Variants in PLCE1 observed in about 807,000 individuals in gnomAD.
PLCE1 encodes phospholipase C epsilon 1, also known as 1-phosphatidylinositol 4,5-bisphosphate phosphodiesterase epsilon-1.
In PLCE1, 119 loss-of-function variants were observed where a neutral mutation model predicts 242.8. That is an observed-to-expected ratio of 0.49 (90% confidence interval 0.42 to 0.57). PLCE1 has a LOEUF of 0.57. Among genes scored for constraint, PLCE1 ranks in the 20% least tolerant of loss-of-function variants. PLCE1 has a pLI of 0.00. For synonymous variants in PLCE1, 945 were observed against 1,017.4 expected, an observed-to-expected ratio of 0.93 and a Z score of 1.35; for missense variants, 2,441 against 2,788.8, an observed-to-expected ratio of 0.88 and a Z score of 2.81.
intron 2 of PLCE1, among the ~76,000 whole-genome samples, chr10:94,117,719 C>T (rs1590061394): frequency 6.6e-6 from 1 of 152,214 alleles, no homozygotes; most frequent in East Asian, 1.9e-4. Context: ...ATATACACTG[C>T]TGTTGACACT....
intron 14 of PLCE1, among the ~76,000 whole-genome samples, chr10:94,265,191 A>C (rs1025831012): frequency 6.6e-6 from 1 of 152,194 alleles, no homozygotes; most frequent in Non-Finnish European, 1.5e-5. Flanking sequence ...GTTGTCCAGC[A>C]GTTGGATTTG....
intron 4 of PLCE1, among the ~76,000 whole-genome samples, chr10:94,173,783 C>A (rs931030235): frequency 2.0e-5 from 3 of 152,138 alleles, no homozygotes; most frequent in Non-Finnish European, 4.4e-5. Flanking sequence ...TCTGGGAAAA[C>A]ACTTAAACTA....
At chr10:94,032,988 CAAT>C (rs1311714673) in intron 2 of PLCE1, among the ~76,000 whole-genome samples, 1 of 151,716 alleles carries the variant, frequency 6.6e-6, no homozygotes, top group African/African-American at 2.4e-5. Flanking sequence ...AACAATATAA[CAAT>C]AAAAAATAAC....
At chr10:94,035,254 A>G (rs375885829) in intron 2 of PLCE1, among the ~76,000 whole-genome samples, 7 of 152,356 alleles carry the variant, frequency 4.6e-5, no homozygotes, top group African/African-American at 1.7e-4. Context: ...AGGTTGCTTT[A>G]GAACCTTTAT....
chr10:94,010,760 T>C (rs1185143151), intron 1 of PLCE1, among the ~76,000 whole-genome samples: 1 of 152,226 alleles, frequency 6.6e-6, no homozygotes, highest in Non-Finnish European at 1.5e-5. Context: ...GCCAAGTTCT[T>C]TGCTAAGGTA....
At chr10:94,096,847 G>A (rs1412822997) in intron 2 of PLCE1, 1 of 152,196 alleles carries the variant, frequency 6.6e-6, no homozygotes, top group Non-Finnish European at 1.5e-5. Context: ...TGAGCAGAGG[G>A]ATGAAGGTGA....
chr10:94,191,580 G>A (rs1397997231), intron 4 of PLCE1, among the ~76,000 whole-genome samples: 1 of 152,106 alleles, frequency 6.6e-6, no homozygotes, highest in Non-Finnish European at 1.5e-5. Flanking sequence ...GGTTGAGTCT[G>A]CAGTGAGCTG....
At chr10:94,199,792 A>T (rs950679145) in intron 4 of PLCE1, among the ~76,000 whole-genome samples, 3 of 147,568 alleles carry the variant, frequency 2.0e-5, no homozygotes, top group African/African-American at 7.6e-5. Context: ...TGGAGTCAGC[A>T]TGACAGACAA....
intron 4 of PLCE1, among the ~76,000 whole-genome samples, chr10:94,202,920 C>T (rs1044325037): frequency 6.6e-6 from 1 of 152,128 alleles, no homozygotes; most frequent in African/African-American, 2.4e-5. Context: ...TGATTCTTTC[C>T]TGGTTGGTTA....
At chr10:94,275,405 C>T (rs1272182637) in intron 19 of PLCE1, among the ~76,000 whole-genome samples, 2 of 152,094 alleles carry the variant, frequency 1.3e-5, no homozygotes, top group Non-Finnish European at 2.9e-5. Context: ...TTCTTGAATT[C>T]GTCAATCTGA....
intron 8 of PLCE1, 35 bp from the exon 9 acceptor site, chr10:94,252,281 C>T: frequency 6.3e-7 from 1 of 1,595,538 alleles, no homozygotes; most frequent in Admixed American, 1.7e-5. Context: ...TTGCTTGATG[C>T]TTCCTATTGT....
chr10:94,095,931 G>C lies in PLCE1; in HGVS notation c.1207-36243G>C, dbSNP rs991272755. Among the ~76,000 whole-genome samples the C allele has an allele frequency of 3.9e-5, 6 of 152,314 alleles. No individual in the cohort carries two copies. The Middle Eastern group carries it at 0.01, about 259-fold the overall frequency. ...TGTGGCCCAGCTCCCAGGCCATTAG[G>C]ACAATATCATCAGGGGTCTTCAGGC... On this transcript the variant is annotated intron_variant, in intron 2 of 32. Coordinates refer to ENST00000371380, the MANE Select transcript of PLCE1 (RefSeq NM_016341.4).
At chr10:94,027,211 C>A (rs2061465443) in intron 1 of PLCE1, among the ~76,000 whole-genome samples, 1 of 152,186 alleles carries the variant, frequency 6.6e-6, no homozygotes, top group Non-Finnish European at 1.5e-5. Flanking sequence ...ACTCCCACCC[C>A]ATCAGCACTG....
chr10:94,147,144 G>A (rs1407971426), intron 3 of PLCE1, among the ~76,000 whole-genome samples: 3 of 151,980 alleles, frequency 2.0e-5, no homozygotes, highest in Non-Finnish European at 4.4e-5. Context: ...AGGCAGGGCC[G>A]GGCATGGTGG....
intron 2 of PLCE1, among the ~76,000 whole-genome samples, chr10:94,045,246 C>A (rs1363738948): frequency 6.6e-6 from 1 of 151,984 alleles, no homozygotes; most frequent in African/African-American, 2.4e-5. Flanking sequence ...TGCCTCAGCC[C>A]CCTGAGAAGC....
chr10:94,266,441 A>G (rs1024488032), intron 16 of PLCE1, among the ~76,000 whole-genome samples: 3 of 151,884 alleles, frequency 2.0e-5, no homozygotes, highest in Non-Finnish European at 4.4e-5. Flanking sequence ...AAAAATGCAG[A>G]AAAAAATCTA....
At chr10:94,099,570 G>A (rs1425544310) in intron 2 of PLCE1, 1 of 152,100 alleles carries the variant, frequency 6.6e-6, no homozygotes, top group Non-Finnish European at 1.5e-5. Context: ...TAAGGAGGGA[G>A]CTATCATATC....
In PLCE1 at chr10:94,227,334, T is replaced by C. The variant is rs1485655194; in HGVS notation, c.1838T>C (p.Leu613Pro). Residue 613 changes from leucine to proline, a missense_variant, in exon 5 of 33, where the codon CTC becomes CCC. Coordinates refer to ENST00000371380, the MANE Select transcript of PLCE1 (RefSeq NM_016341.4). ...EVSSWVTWLI[L>P]TAGSMEEKRE... ...AGCTCCTGGGTGACATGGCTGATCCTCACGGCAGGCTCCATGGAGGAGAAG... is the reference window on the plus strand; with the variant it reads ...AGCTCCTGGGTGACATGGCTGATCCCCACGGCAGGCTCCATGGAGGAGAAG... 1 of 1,614,054 alleles carries C rather than the reference T, an allele frequency of 6.2e-7. No homozygotes were observed. Among genetic ancestry groups the C allele is most frequent in the Non-Finnish European group, 8.5e-7 (1 of 1,179,986 alleles).
intron 27 of PLCE1, among the ~76,000 whole-genome samples, chr10:94,309,564 G>A (rs1010651461): frequency 1.3e-5 from 2 of 152,018 alleles, no homozygotes; most frequent in Non-Finnish European, 2.9e-5. Context: ...GGACTCAAGC[G>A]ATCCTCATGC....
Sources: allele counts gnomAD v4.1 joint callset (sites outside exome capture counted in the v4.1 genomes callset), GRCh38; gene constraint gnomAD v4.1.1; transcripts MANE v1.5; gene names NCBI Gene and HGNC (gene_info 2026-07-23, HGNC 2026-07-21).